The following BAALC variants were observed in gnomAD, a reference collection of about 807,000 sequenced individuals.
The protein encoded by BAALC is BAALC binder of MAP3K1 and KLF4.
Under a neutral mutation model 15.5 loss-of-function variants are expected in BAALC, and 9 were observed. The observed-to-expected ratio is 0.58, with a 90% CI of 0.35 to 1.02. The LOEUF is 1.02. Ranked by LOEUF, BAALC falls within the 50% of genes least tolerant of loss-of-function variation. BAALC has a pLI of 0.02. For synonymous variants in BAALC, 80 were observed against 74.6 expected (o/e 1.07, Z -0.37); for missense variants, 201 against 192.4 (o/e 1.04, Z -0.27).
chr8:103,165,149 G>A (rs1811316252), intron 1 of BAALC, among the ~76,000 whole-genome samples: 1 of 152,140 alleles, frequency 6.6e-6, no homozygotes, highest in South Asian at 2.1e-4. Context: ...TAGCAGTCTG[G>A]CCACAGTTTG....
At chr8:103,181,492 T>C (rs1216973976) in intron 1 of BAALC, among the ~76,000 whole-genome samples, 1 of 152,118 alleles carries the variant, frequency 6.6e-6, no homozygotes, top group African/African-American at 2.4e-5. Context: ...CAGGATGGTC[T>C]CGATCTCCTG....
chr8:103,144,450 G>A (rs953301432), intron 1 of BAALC, among the ~76,000 whole-genome samples: 6 of 152,170 alleles, frequency 3.9e-5, no homozygotes, highest in African/African-American at 1.4e-4. Context: ...GTTACAGAAG[G>A]AAATTAAATT....
chr8:103,169,393 C>T (rs908687255), intron 1 of BAALC, among the ~76,000 whole-genome samples: 5 of 152,136 alleles, frequency 3.3e-5, no homozygotes, highest in East Asian at 1.9e-4. Flanking sequence ...TCCCCCACCC[C>T]GTCTATTTTG....
intron 2 of BAALC, among the ~76,000 whole-genome samples, chr8:103,217,200 A>G (rs1209881625): frequency 6.6e-6 from 1 of 152,230 alleles, no homozygotes; most frequent in East Asian, 1.9e-4. Flanking sequence ...GGAGCTGATA[A>G]CTTTAGTTTT....
chr8:103,146,798 T>C (rs1258845744), intron 1 of BAALC, among the ~76,000 whole-genome samples: 1 of 152,212 alleles, frequency 6.6e-6, no homozygotes, highest in Non-Finnish European at 1.5e-5. Context: ...TTAAAATCAC[T>C]GCAAGAGACA....
chr8:103,158,601 C>G (rs945104392), intron 1 of BAALC, among the ~76,000 whole-genome samples: 1 of 152,092 alleles, frequency 6.6e-6, no homozygotes, highest in African/African-American at 2.4e-5. Context: ...TTGATCTGAA[C>G]ACCAAGAGGG....
intron 1 of BAALC, chr8:103,190,906 T>C (rs2130001170): frequency 6.6e-6 from 1 of 152,254 alleles, no homozygotes; most frequent in East Asian, 1.9e-4. Flanking sequence ...TTAAATTAGT[T>C]GGAAACAGGC....
intron 1 of BAALC, among the ~76,000 whole-genome samples, chr8:103,189,660 A>G (rs1180651954): frequency 4.6e-5 from 7 of 152,232 alleles, no homozygotes; most frequent in Non-Finnish European, 1.0e-4. Context: ...GAGGAAGAGC[A>G]TTCCAGGTGG....
chr8:103,174,486 T>A (rs773349121), intron 1 of BAALC, among the ~76,000 whole-genome samples: 2 of 152,176 alleles, frequency 1.3e-5, no homozygotes, highest in African/African-American at 4.8e-5. Flanking sequence ...GCTGCAAGGA[T>A]GCCAGTTAGC....
chr8:103,177,668 T>C (rs1811637581), intron 1 of BAALC, among the ~76,000 whole-genome samples: 1 of 152,084 alleles, frequency 6.6e-6, no homozygotes, highest in Admixed American at 6.6e-5. Flanking sequence ...GAGACTAGAG[T>C]TCTAATTGTT....
At chr8:103,214,714 G>A (rs2130071154) in intron 2 of BAALC, among the ~76,000 whole-genome samples, 1 of 152,298 alleles carries the variant, frequency 6.6e-6, no homozygotes, top group East Asian at 1.9e-4. Flanking sequence ...TGAGTGAACA[G>A]ATGAGCCTCC....
At chr8:103,208,690 C>T (rs1296700315) in intron 1 of BAALC, among the ~76,000 whole-genome samples, 6 of 152,146 alleles carry the variant, frequency 3.9e-5, no homozygotes, top group Admixed American at 3.3e-4. Flanking sequence ...AGCGTGTCCC[C>T]GGGCTTGGAG....
intron 2 of BAALC, among the ~76,000 whole-genome samples, chr8:103,217,191 G>T (rs1263302005): frequency 3.3e-5 from 5 of 152,190 alleles, no homozygotes; most frequent in Non-Finnish European, 7.3e-5. Context: ...TAAGATCAGG[G>T]AGCTGATAAC....
intron 1 of BAALC, among the ~76,000 whole-genome samples, chr8:103,145,857 C>T (rs149769816): frequency 2.6e-5 from 4 of 152,226 alleles, no homozygotes; most frequent in African/African-American, 9.6e-5. Context: ...ACTTCAGTAA[C>T]CCAAATAAGG....
chr8:103,141,513 T>G (rs1810776716), intron 1 of BAALC: 1 of 159,724 alleles, frequency 6.3e-6, no homozygotes, highest in Non-Finnish European at 1.4e-5. Context: ...CTCCCTGGAT[T>G]TATACACAAG....
intron 1 of BAALC, among the ~76,000 whole-genome samples, chr8:103,161,773 C>G (rs1811230335): frequency 6.6e-6 from 1 of 152,148 alleles, no homozygotes; most frequent in Non-Finnish European, 1.5e-5. Context: ...CCCCATAGCC[C>G]TGCCAGTAGG....
chr8:103,206,673 C>A (rs1311407229), intron 1 of BAALC, among the ~76,000 whole-genome samples: 1 of 151,986 alleles, frequency 6.6e-6, no homozygotes. Context: ...ATCCAACAAG[C>A]AGGGTATGTA....
chr8:103,187,875 CAAGA>C (rs1811878514), intron 1 of BAALC, among the ~76,000 whole-genome samples: 2 of 150,206 alleles, frequency 1.3e-5, no homozygotes, highest in Admixed American at 1.3e-4. Flanking sequence ...TCCATGCAAA[CAAGA>C]TAGAGAATCT....
chr8:103,204,744 T>C (rs1170359635), intron 1 of BAALC, among the ~76,000 whole-genome samples: 4 of 152,228 alleles, frequency 2.6e-5, no homozygotes, highest in African/African-American at 7.2e-5. Flanking sequence ...GGTTGCTCAA[T>C]ATTTTCTAAG....
Sources: gnomAD v4.1 joint callset for allele counts (sites outside exome capture counted in the v4.1 genomes callset) on GRCh38, gnomAD v4.1.1 for gene constraint, MANE v1.5 for transcripts, NCBI Gene and HGNC (gene_info 2026-07-23, HGNC 2026-07-21) for gene names.